GALNTL6: variants seen among roughly 807,000 people sequenced by gnomAD.
The protein encoded by GALNTL6 is polypeptide N-acetylgalactosaminyltransferase like 6.
GALNTL6 carries 46 observed loss-of-function variants against 73.7 expected under a neutral mutation model. The ratio of observed to expected loss-of-function variants is 0.62; its 90% CI spans 0.49 to 0.80. The LOEUF is 0.80. Among genes scored for constraint, GALNTL6 ranks in the 30% least tolerant of loss-of-function variants. The pLI is 0.00. For synonymous variants in GALNTL6, 259 were observed against 263.7 expected, an observed-to-expected ratio of 0.98 and a Z score of 0.17; for missense variants, 604 against 755.0, an observed-to-expected ratio of 0.80 and a Z score of 2.34.
At chr4:172,998,168 G>A (rs1408838980) in intron 10 of GALNTL6, among the ~76,000 whole-genome samples, 1 of 152,166 alleles carries the variant, frequency 6.6e-6, no homozygotes, top group African/African-American at 2.4e-5. Flanking sequence ...ATAATTTGAA[G>A]GAAAGGCACT....
At chr4:172,458,189 C>T (rs189947707) in intron 5 of GALNTL6, among the ~76,000 whole-genome samples, 9 of 151,956 alleles carry the variant, frequency 5.9e-5, no homozygotes, top group Non-Finnish European at 1.2e-4. Flanking sequence ...AAAGACATAA[C>T]GTACCAGAAT....
intron 2 of GALNTL6, among the ~76,000 whole-genome samples, chr4:172,211,857 A>G (rs554146669): frequency 2.0e-5 from 3 of 152,294 alleles, no homozygotes; most frequent in East Asian, 1.9e-4. Context: ...TAAGGGTGCT[A>G]ATACCATTCA....
intron 12 of GALNTL6, among the ~76,000 whole-genome samples, chr4:173,038,235 G>A (rs1753771828): frequency 6.6e-6 from 1 of 152,184 alleles, no homozygotes; most frequent in Non-Finnish European, 1.5e-5. Context: ...CTTCACTATT[G>A]GTTGGGGCTG....
At chr4:172,426,352 TTA>T (rs2111372194) in intron 5 of GALNTL6, among the ~76,000 whole-genome samples, 1 of 151,996 alleles carries the variant, frequency 6.6e-6, no homozygotes, top group South Asian at 2.1e-4. Context: ...CAGAGTTTTT[TTA>T]ATAACAATAA....
chr4:171,965,305 A>G (rs1434755334), intron 2 of GALNTL6, among the ~76,000 whole-genome samples: 2 of 152,200 alleles, frequency 1.3e-5, no homozygotes, highest in African/African-American at 4.8e-5. Context: ...AATAGTGGAT[A>G]TGAAGTGATA....
intron 5 of GALNTL6, among the ~76,000 whole-genome samples, chr4:172,752,910 A>C (rs1837132): frequency 1.3e-4 from 20 of 151,986 alleles, no homozygotes; most frequent in African/African-American, 4.4e-4. Flanking sequence ...TTCTTTCAAA[A>C]CTGAGATGAT....
At chr4:172,859,046 GA>G (rs67296281) in intron 7 of GALNTL6, among the ~76,000 whole-genome samples, 28,762 of 140,038 alleles carry the variant, frequency 0.21, 3,246 homozygotes, top group Non-Finnish European at 0.27. Context: ...GAGTGGTCAG[GA>G]AAAAAAAAAA....
intron 2 of GALNTL6, among the ~76,000 whole-genome samples, chr4:172,139,092 C>T (rs1733734655): frequency 6.6e-6 from 1 of 152,086 alleles, no homozygotes; most frequent in Non-Finnish European, 1.5e-5. Flanking sequence ...TTAGTGGGAA[C>T]TAGCTTGATG....
chr4:172,225,403 G>A (rs1736820156), intron 2 of GALNTL6, among the ~76,000 whole-genome samples: 1 of 146,246 alleles, frequency 6.8e-6, no homozygotes, highest in Non-Finnish European at 1.5e-5. Flanking sequence ...TACATTATAT[G>A]TTAATGAATT....
At position 172,508,785 on chromosome 4, in the gene GALNTL6, AT is replaced by A. The variant is rs1287348800; in HGVS notation, c.553+160105del. ...GTATTCCATGGTGTATATATACCACATTTTTTTTTAATCAACTCATTGATTG... is the reference window on the plus strand; with the variant it reads ...GTATTCCATGGTGTATATATACCACATTTTTTTTAATCAACTCATTGATTG... On this transcript the variant is annotated intron_variant, in intron 5 of 12. Transcript: ENST00000506823. Among the ~76,000 whole-genome samples, 38 of 47,546 alleles carry A rather than the reference AT, an allele frequency of 8.0e-4. 11 individuals are homozygous for A. Among genetic ancestry groups the A allele is most frequent in the Admixed American group, 3.5e-3 (11 of 3,160 alleles). The allele number at this position is 47,546 out of a possible 152,430, so 31.2% of individuals were successfully genotyped here.
At chr4:172,326,946 TA>T (rs1214484782) in intron 4 of GALNTL6, among the ~76,000 whole-genome samples, 1 of 152,046 alleles carries the variant, frequency 6.6e-6, no homozygotes, top group East Asian at 1.9e-4. Flanking sequence ...TTTACAACAG[TA>T]TACATCCTTG....
At chr4:173,010,140 C>T (rs895747811) in intron 11 of GALNTL6, among the ~76,000 whole-genome samples, 5 of 152,136 alleles carry the variant, frequency 3.3e-5, no homozygotes, top group Non-Finnish European at 7.3e-5. Context: ...CCCCACCTCC[C>T]ACTCCCCACC....
chr4:171,837,329 T>C (rs536770500), intron 2 of GALNTL6, among the ~76,000 whole-genome samples: 1 of 152,124 alleles, frequency 6.6e-6, no homozygotes, highest in South Asian at 2.1e-4. Context: ...ATATTACAAC[T>C]AAATGCAAGG....
chr4:172,820,391 A>C (rs1413228543), intron 7 of GALNTL6, among the ~76,000 whole-genome samples: 1 of 152,206 alleles, frequency 6.6e-6, no homozygotes, highest in African/African-American at 2.4e-5. Context: ...ACCTATTCAA[A>C]ATTTGAAAGT....
intron 5 of GALNTL6, among the ~76,000 whole-genome samples, chr4:172,371,825 T>C (rs903730212): frequency 6.6e-6 from 1 of 152,174 alleles, no homozygotes; most frequent in Non-Finnish European, 1.5e-5. Context: ...CTCTTTTTGA[T>C]GGCTTCAGCA....
Position 171,873,595 on chromosome 4 carries a change from G to A in GALNTL6, c.138+58877G>A, listed in dbSNP as rs4692640. 4.7e-3 allele frequency among the ~76,000 whole-genome samples: 720 copies of A among 152,214 alleles called. 4 individuals carry two copies. The highest frequency in any genetic ancestry group is 6.7e-3 in the Non-Finnish European group (457 of 67,988). On this transcript the variant is annotated intron_variant, in intron 2 of 12. Transcript: ENST00000506823. ...CTCCTTAAAGGCAGTTCTGAAAACT[G>A]TATTTCTTCTTGGATTGATTTTTAG...
At position 173,040,017 on chromosome 4, in the gene GALNTL6, CCTCT is replaced by C; in HGVS notation, c.1728_1731del (p.Ser577ArgfsTer12). 2 of 1,612,988 alleles carry C rather than the reference CCTCT, an allele frequency of 1.2e-6. No individual in the cohort carries two copies. Among genetic ancestry groups the C allele is most frequent in the Non-Finnish European group, 1.7e-6 (2 of 1,178,996 alleles). On this transcript the variant is annotated frameshift_variant, in exon 13 of 13. Coordinates refer to ENST00000506823, the MANE Select transcript of GALNTL6 (RefSeq NM_001034845.3). LOFTEE classifies it high-confidence loss of function. ...GAAGATTTTCATGGCCAGATGTGAC[CCTCT>C]CTCTGAGACTCAGCAGTGGATTTTT...
rs1561052222 is a variant in GALNTL6, at chr4:172,952,095, G to C, written c.1208G>C (p.Arg403Pro). ...GAATTTGCCGAGTACATTTACCAGC[G>C]GCGGCCGGAGTACAGGCATCTCTCC... ...MDEFAEYIYQ[R>P]RPEYRHLSTG... The change falls in exon 10 of 13, where the codon CGG becomes CCG. Residue 403 changes from arginine (R) to proline (P), a missense_variant. Coordinates refer to ENST00000506823, the MANE Select transcript of GALNTL6 (RefSeq NM_001034845.3). 1.9e-6 allele frequency: 3 copies of C among 1,614,062 alleles called. No individual in the cohort carries two copies. The highest frequency in any genetic ancestry group is 1.1e-5 in the South Asian group (1 of 91,070).
At chr4:172,354,126 C>T (rs768376831) in intron 5 of GALNTL6, among the ~76,000 whole-genome samples, 20 of 151,948 alleles carry the variant, frequency 1.3e-4, no homozygotes, top group Non-Finnish European at 2.6e-4. Context: ...AGACGACAGT[C>T]GACAAAAATG....
Sources: allele counts gnomAD v4.1 joint callset (sites outside exome capture counted in the v4.1 genomes callset), GRCh38; gene constraint gnomAD v4.1.1; transcripts MANE v1.5; gene names NCBI Gene and HGNC (gene_info 2026-07-23, HGNC 2026-07-21).